The following DMXL2 variants were observed in gnomAD, a reference collection of about 807,000 sequenced individuals.
The protein encoded by DMXL2 is Dmx like 2, also known as dmX-like protein 2.
DMXL2 carries 103 observed loss-of-function variants against 331.1 expected under a neutral mutation model. That is an observed-to-expected ratio of 0.31 (90% CI 0.27 to 0.37). The LOEUF (loss-of-function observed/expected upper bound fraction) is 0.37. Ranked by LOEUF, DMXL2 falls within the 10% of genes least tolerant of loss-of-function variation. DMXL2 has a pLI of 1.00. For synonymous variants in DMXL2, 1,281 were observed against 1,252.1 expected (o/e 1.02, Z -0.49); for missense variants, 3,171 against 3,642.9 (o/e 0.87, Z 3.33).
chr15:51,622,382 T>C, intron 1 of DMXL2, 77 bp downstream of exon 1: 2 of 1,536,958 alleles, frequency 1.3e-6, no homozygotes, highest in South Asian at 1.2e-5. Flanking sequence ...TGAGGAGGCG[T>C]GCGCCCTGGA....
rs1203817868 is a variant in DMXL2 at position 51,573,321 on chromosome 15, T to C, written c.213+2735A>G. Among the ~76,000 whole-genome samples the C allele has an allele frequency of 3.9e-5, 6 of 152,298 alleles. No homozygotes were observed. In the East Asian group the frequency reaches 1.2e-3, roughly 29 times the overall value. On this transcript the variant is annotated intron_variant, in intron 2 of 43. Coordinates refer to ENST00000560891, the MANE Select transcript of DMXL2 (RefSeq NM_001378457.1). Reference sequence around the variant, plus strand: ...CAAGGATCTAGAACCAGAAATACCATTTGACCCACCAATCCCATTACTGGG... The same window carrying C: ...CAAGGATCTAGAACCAGAAATACCACTTGACCCACCAATCCCATTACTGGG...
intron 6 of DMXL2, among the ~76,000 whole-genome samples, chr15:51,552,653 C>G (rs950675136): frequency 1.2e-4 from 18 of 152,072 alleles, no homozygotes; most frequent in African/African-American, 3.9e-4. Flanking sequence ...TTACTCCTTC[C>G]CAGCATCCTT....
At chr15:51,466,433 T>G (rs1336487628) in intron 29 of DMXL2, 122 bp from the exon 30 acceptor site, 10 of 354,904 alleles carry the variant, frequency 2.8e-5, no homozygotes, top group Non-Finnish European at 4.2e-5. Flanking sequence ...TAATTATTTT[T>G]GTTCTAACAT....
chr15:51,502,454 C>G (rs1040586961), intron 17 of DMXL2, among the ~76,000 whole-genome samples: 62 of 151,986 alleles, frequency 4.1e-4, no homozygotes, highest in African/African-American at 1.3e-3. Flanking sequence ...TCCCAAGTAG[C>G]TGGGATTACA....
intron 1 of DMXL2, among the ~76,000 whole-genome samples, chr15:51,585,982 C>A (rs577292155): frequency 6.6e-6 from 1 of 152,286 alleles, no homozygotes; most frequent in South Asian, 2.1e-4. Context: ...TAAGTCCACA[C>A]TACAGTAAGA....
intron 2 of DMXL2, among the ~76,000 whole-genome samples, chr15:51,573,626 T>G (rs2050815109): frequency 6.6e-6 from 1 of 151,700 alleles, no homozygotes; most frequent in Non-Finnish European, 1.5e-5. Flanking sequence ...TCCTCACTCA[T>G]CAGTGGGAGT....
Position 51,545,674 on chromosome 15 carries a change from C to G in DMXL2, c.839G>C (p.Gly280Ala). ...AGTGGTAGTCTCACAAATCTGCTCA[C>G]CCAAAAGACAGTCTTCTGGTAATAA... Reference protein sequence around the residue: ...ETLLPEDCLLGEQICETTTSS... With the variant: ...ETLLPEDCLLAEQICETTTSS... The change falls in exon 8 of 44, where the codon GGT becomes GCT. Residue 280 changes from glycine (G) to alanine (A), a missense_variant. This residue lies in a region of DMXL2 where 1,674 missense variants were observed against 1,780.2 expected (regional missense o/e 0.94). Transcript: ENST00000560891. 6.2e-7 allele frequency: 1 copy of G among 1,613,702 alleles called. No homozygotes were observed. Among genetic ancestry groups the G allele is most frequent in the Non-Finnish European group, 8.5e-7 (1 of 1,179,736 alleles).
chr15:51,568,780 C>T (rs940909832), intron 2 of DMXL2, among the ~76,000 whole-genome samples: 41 of 152,158 alleles, frequency 2.7e-4, no homozygotes, highest in African/African-American at 9.6e-4. Flanking sequence ...ACAAGGTTGA[C>T]CTATTCAAAG....
At chr15:51,533,508 C>A (rs2048121134) in intron 13 of DMXL2, among the ~76,000 whole-genome samples, 1 of 152,074 alleles carries the variant, frequency 6.6e-6, no homozygotes, top group African/African-American at 2.4e-5. Flanking sequence ...AAACTAAAAA[C>A]AGGCAAAAAT....
intron 20 of DMXL2, 120 bp downstream of exon 20, chr15:51,491,458 C>A (rs2042792337): frequency 4.2e-6 from 4 of 959,302 alleles, no homozygotes; most frequent in Non-Finnish European, 4.5e-6. Flanking sequence ...AAAAAAAATT[C>A]TCAAGACCTC....
chr15:51,460,119 T>C (rs1047321574), intron 33 of DMXL2: 10 of 957,348 alleles, frequency 1.0e-5, no homozygotes, highest in Non-Finnish European at 1.2e-5. Context: ...TGATGATTTT[T>C]CTCTAAGTAA....
chr15:51,522,182 T>C (rs182503001), intron 13 of DMXL2, among the ~76,000 whole-genome samples: 112 of 152,352 alleles, frequency 7.4e-4, no homozygotes, highest in African/African-American at 2.5e-3. Flanking sequence ...TCTTCATAAA[T>C]AGCCTGCTAA....
At chr15:51,572,403 A>G (rs975390065) in intron 2 of DMXL2, among the ~76,000 whole-genome samples, 1 of 152,040 alleles carries the variant, frequency 6.6e-6, no homozygotes, top group Non-Finnish European at 1.5e-5. Flanking sequence ...CCAAACAATA[A>G]AAAAAGAGGG....
chr15:51,448,282 T>C lies in DMXL2; in HGVS notation c.*702A>G, dbSNP rs1363328775. ...AGGTGTGTTTGGTTAACTACAAATA[T>C]GTCATGTTCACATAGTACATTCCTA... On this transcript the variant is annotated 3_prime_UTR_variant, in exon 44 of 44. Transcript: ENST00000560891. 6.5e-6 allele frequency: 1 copy of C among 152,798 alleles called. No homozygotes were observed. The highest frequency in any genetic ancestry group is 1.5e-5 in the Non-Finnish European group (1 of 68,148). The allele number at this position is 152,798 out of a possible 1,614,324, so 9.5% of individuals were successfully genotyped here.
Position 51,587,343 on chromosome 15 carries a change from G to A in DMXL2, c.88-11162C>T, listed in dbSNP as rs569308532. Reference sequence around the variant, plus strand: ...GTCCCCCCACCCCACAACAGGTCCCGGTATGTGATGTTCTCCTTCCTGTGT... The same window carrying A: ...GTCCCCCCACCCCACAACAGGTCCCAGTATGTGATGTTCTCCTTCCTGTGT... On this transcript the variant is annotated intron_variant, in intron 1 of 43. Transcript: ENST00000560891. Among the ~76,000 whole-genome samples the A allele has an allele frequency of 2.2e-4, 33 of 150,572 alleles. No homozygotes were observed. The South Asian group carries it at 5.9e-3, about 27-fold the overall frequency.
At chr15:51,460,957 C>T (rs1263216995) in intron 33 of DMXL2, among the ~76,000 whole-genome samples, 1 of 152,138 alleles carries the variant, frequency 6.6e-6, no homozygotes, top group East Asian at 1.9e-4. Flanking sequence ...ATTTCAAGTA[C>T]TCAGTAACCA....
At chr15:51,481,756 G>T in intron 23 of DMXL2, 133 bp from the exon 24 acceptor site, 2 of 798,550 alleles carry the variant, frequency 2.5e-6, no homozygotes, top group Non-Finnish European at 3.8e-6. Context: ...TTACACTATG[G>T]CATATACAAT....
At chr15:51,593,904 A>G (rs1488507288) in intron 1 of DMXL2, among the ~76,000 whole-genome samples, 1 of 152,238 alleles carries the variant, frequency 6.6e-6, no homozygotes, top group African/African-American at 2.4e-5. Flanking sequence ...TCTCTGGGAC[A>G]CATTCAAAGC....
rs752262147 is a variant in DMXL2, at chr15:51,622,445, C to T, written c.87+14G>A. 1.3e-6 allele frequency: 2 copies of T among 1,555,244 alleles called. No homozygotes were observed. The highest frequency in any genetic ancestry group is 8.7e-7 in the Non-Finnish European group (1 of 1,149,112). ...CCCTGGTATCTTCCCCTAGGGCTCC[C>T]GGCCGCCGCTCACCGTGAAGGGGAC... On this transcript the variant is annotated intron_variant, in intron 1 of 43. Coordinates refer to ENST00000560891, the MANE Select transcript of DMXL2 (RefSeq NM_001378457.1).
Sources: gnomAD v4.1 joint callset for allele counts (sites outside exome capture counted in the v4.1 genomes callset) on GRCh38, gnomAD v4.1.1 for gene constraint, gnomAD v4.1.1 regional missense constraint, MANE v1.5 for transcripts, NCBI Gene and HGNC (gene_info 2026-07-23, HGNC 2026-07-21) for gene names.